Variants in TMOD1 observed in about 807,000 individuals in gnomAD.
TMOD1 encodes the protein tropomodulin-1.
Under a neutral mutation model 40.6 loss-of-function variants are expected in TMOD1, and 17 were observed. The ratio of observed to expected loss-of-function variants is 0.42; its 90% CI spans 0.29 to 0.63. The LOEUF is 0.63. TMOD1 is among the 20% of genes least tolerant of loss of function. The pLI, the probability that TMOD1 is intolerant of heterozygous loss-of-function variation, is 0.22. For missense variants in TMOD1, 391 were observed against 447.6 expected (o/e 0.87, Z 1.14); for synonymous variants, 181 against 175.0 (o/e 1.03, Z -0.27).
At chr9:97,518,963 A>G (rs969741077) in intron 1 of TMOD1, among the ~76,000 whole-genome samples, 1 of 152,240 alleles carries the variant, frequency 6.6e-6, no homozygotes, top group Non-Finnish European at 1.5e-5. Context: ...CCCATCCTCA[A>G]GATGTTCACT....
In TMOD1 at chr9:97,559,815, A is replaced by C. The variant is rs78078516; in HGVS notation, c.398-2917A>C. The stretch of plus-strand genomic sequence containing the variant: ...AAAAAATATATATATATATATATAT[A>C]TATATATATGTCTATCTATCTATCT... On this transcript the variant is annotated intron_variant, in intron 4 of 9. Transcript: ENST00000259365. Among the ~76,000 whole-genome samples the C allele has an allele frequency of 2.7e-3, 145 of 53,124 alleles. 5 individuals are homozygous for C. Among genetic ancestry groups the C allele is most frequent in the African/African-American group, 3.0e-3 (37 of 12,196 alleles). 34.9% of individuals were successfully genotyped at this position (53,124 alleles called of 152,430 possible). A position where few individuals can be genotyped will look rare whatever the true frequency, so the allele number is the denominator to read the frequency against.
rs1210123846 is a variant in TMOD1, at chr9:97,557,681, A to G, written c.397+4281A>G. ...GGATGCAGGAGAACATCTTCCAGCC[A>G]TCTGCCCAGAGCCAGCCCGAGCAGC... On this transcript the variant is annotated intron_variant, in intron 4 of 9. Coordinates refer to ENST00000259365, the MANE Select transcript of TMOD1 (RefSeq NM_003275.4). This position sits in a 1 kb window ranked among gnomAD's most constrained non-coding sequence, Gnocchi z 4.4. Among the ~76,000 whole-genome samples, 2 of 152,180 alleles carry G rather than the reference A, an allele frequency of 1.3e-5. No homozygotes were observed. The highest frequency in any genetic ancestry group is 2.4e-5 in the African/African-American group (1 of 41,446).
At chr9:97,540,703 G>A (rs1047683379) in intron 2 of TMOD1, among the ~76,000 whole-genome samples, 2 of 152,266 alleles carry the variant, frequency 1.3e-5, no homozygotes, top group African/African-American at 2.4e-5. Flanking sequence ...TCACGTTGTA[G>A]TACTACGTTT....
intron 4 of TMOD1, among the ~76,000 whole-genome samples, chr9:97,559,772 TAAAA>T (rs58522887): frequency 0.015 from 536 of 36,816 alleles, 12 homozygotes; most frequent in African/African-American, 0.047. Context: ...CTCAAAAATT[TAAAA>T]AAAAAAAAAA....
intron 2 of TMOD1, among the ~76,000 whole-genome samples, chr9:97,542,401 C>T (rs1830287342): frequency 6.6e-6 from 1 of 152,128 alleles, no homozygotes; most frequent in African/African-American, 2.4e-5. Context: ...AAATCAACTG[C>T]TTTCAATAAA....
At position 97,579,291 on chromosome 9, in the gene TMOD1, A is replaced by G. The variant is rs139479895; in HGVS notation, c.870+10254A>G. Among the ~76,000 whole-genome samples, 254 of 152,150 alleles carry G rather than the reference A, an allele frequency of 1.7e-3. 1 individual carries two copies. Among genetic ancestry groups the G allele is most frequent in the African/African-American group, 5.7e-3 (238 of 41,504 alleles). On this transcript the variant is annotated intron_variant, in intron 8 of 9. Coordinates refer to ENST00000259365, the MANE Select transcript of TMOD1 (RefSeq NM_003275.4). The stretch of plus-strand genomic sequence containing the variant: ...AGCATGTTCCTGTTTCCTCCATTCA[A>G]TTCAATTCTGCACACCTCGACCGAG...
chr9:97,595,517 C>G (rs1826091566), intron 9 of TMOD1, among the ~76,000 whole-genome samples: 2 of 145,122 alleles, frequency 1.4e-5, no homozygotes, highest in African/African-American at 5.2e-5. Flanking sequence ...CATGTGGTTG[C>G]AAATGAACAA....
At chr9:97,550,992 TTATATA>T (rs1172274297) in intron 3 of TMOD1, among the ~76,000 whole-genome samples, 2 of 96,382 alleles carry the variant, frequency 2.1e-5, no homozygotes, top group African/African-American at 4.8e-5. Context: ...TCTAAGAATT[TTATATA>T]TATATATATA....
At chr9:97,565,422 C>G (rs917769703) in intron 6 of TMOD1, among the ~76,000 whole-genome samples, 6 of 152,058 alleles carry the variant, frequency 3.9e-5, no homozygotes, top group African/African-American at 1.2e-4. Context: ...CATATGCAAC[C>G]CCCTTACCTG....
At chr9:97,599,482 C>A in intron 9 of TMOD1, 152 bp from the exon 10 acceptor site, 2 of 896,450 alleles carry the variant, frequency 2.2e-6, no homozygotes, top group Non-Finnish European at 3.5e-6. Context: ...GGCTGTTGTA[C>A]AACTCACACA....
Position 97,601,084 on chromosome 9 carries a change from C to A in TMOD1, c.*1386C>A. ...CAGTACAGGGTAACTGGAGGCGGGG[C>A]CAGGGCCTCAGCGCTATGGAAGAGT... On this transcript the variant is annotated 3_prime_UTR_variant, in exon 10 of 10. Coordinates refer to ENST00000259365, the MANE Select transcript of TMOD1 (RefSeq NM_003275.4). 1 of 1,304,252 alleles carries A rather than the reference C, an allele frequency of 7.7e-7. No individual in the cohort carries two copies. Among genetic ancestry groups the A allele is most frequent in the Middle Eastern group, 2.1e-4 (1 of 4,698 alleles). The allele number at this position is 1,304,252 out of a possible 1,614,324, so 80.8% of individuals were successfully genotyped here.
chr9:97,554,322 A>G (rs1163884873), intron 4 of TMOD1, among the ~76,000 whole-genome samples: 2 of 152,110 alleles, frequency 1.3e-5, no homozygotes, highest in Non-Finnish European at 2.9e-5. Context: ...TGTCGGTGCC[A>G]TTAGTGATGG....
intron 1 of TMOD1, among the ~76,000 whole-genome samples, chr9:97,512,084 C>T (rs1829711405): frequency 1.3e-5 from 2 of 152,174 alleles, no homozygotes; most frequent in Admixed American, 6.5e-5. Context: ...CTTCATATGA[C>T]ACCTTGTTTA....
intron 8 of TMOD1, among the ~76,000 whole-genome samples, chr9:97,590,286 C>T (rs1825973973): frequency 6.6e-6 from 1 of 151,908 alleles, no homozygotes; most frequent in African/African-American, 2.4e-5. Context: ...GGCAGTGGCA[C>T]AATTTCGGCT....
At chr9:97,590,621 G>GT (rs967244057) in intron 8 of TMOD1, among the ~76,000 whole-genome samples, 3,924 of 144,534 alleles carry the variant, frequency 0.027, 160 homozygotes, top group African/African-American at 0.087. Flanking sequence ...GGGTCTTTCT[G>GT]TTTTTTTTTT....
intron 4 of TMOD1, among the ~76,000 whole-genome samples, chr9:97,553,746 A>T (rs1830488980): frequency 6.6e-6 from 1 of 152,146 alleles, no homozygotes; most frequent in African/African-American, 2.4e-5. Context: ...GAGGGAAAAC[A>T]GACAGAGGGC....
At chr9:97,529,572 C>T (rs994500073) in intron 2 of TMOD1, among the ~76,000 whole-genome samples, 3 of 151,898 alleles carry the variant, frequency 2.0e-5, no homozygotes, top group African/African-American at 7.3e-5. Context: ...TTCTATCTCT[C>T]TCTCTGGAAA....
Position 97,558,431 on chromosome 9 carries a change from CTGTTTGTTTGTT to C in TMOD1, c.398-4283_398-4272del, listed in dbSNP as rs113689604. 1.8e-4 allele frequency among the ~76,000 whole-genome samples: 27 copies of C among 151,278 alleles called. 4 individuals are homozygous for C. Among genetic ancestry groups the C allele is most frequent in the Admixed American group, 7.2e-4 (11 of 15,196 alleles). ...GGGTCTACCACAGCTACCCTGGATG[CTGTTTGTTTGTT>C]TGTTTGTTTGTTTGTTTTTAGACAG... On this transcript the variant is annotated intron_variant, in intron 4 of 9. Transcript: ENST00000259365.
chr9:97,555,454 A>G, intron 4 of TMOD1: 1 of 1,422,524 alleles, frequency 7.0e-7, no homozygotes, highest in Non-Finnish European at 9.1e-7. Flanking sequence ...CAGAGCTGCA[A>G]CTCTGTGCTA....
Sources: gnomAD v4.1 joint callset for allele counts (sites outside exome capture counted in the v4.1 genomes callset) on GRCh38, gnomAD v4.1.1 for gene constraint, Gnocchi (gnomAD v3.1) non-coding constraint, MANE v1.5 for transcripts, NCBI Gene and HGNC (gene_info 2026-07-23, HGNC 2026-07-21) for gene names.